The following FBXW4 variants were observed in gnomAD, a reference collection of about 807,000 sequenced individuals.
FBXW4 encodes the protein F-box/WD repeat-containing protein 4.
A neutral mutation model predicts 61.8 loss-of-function variants in FBXW4; 40 were observed. The observed-to-expected ratio is 0.65, with a 90% CI of 0.50 to 0.84. FBXW4 has a LOEUF of 0.84. FBXW4 is among the 40% of genes least tolerant of loss of function. The probability of loss-of-function intolerance (pLI) is 0.00; values close to 1 mark genes in which losing one functional copy is unlikely to be tolerated. For synonymous variants in FBXW4, 311 were observed against 313.8 expected (o/e 0.99, Z 0.10); for missense variants, 672 against 753.8 (o/e 0.89, Z 1.27).
Position 101,695,009 on chromosome 10 carries a change from T to G in FBXW4, c.97A>C (p.Arg33=). The part of the protein sequence containing the change: ...ARKLQEGRVA[R]GKRRKGKGKG... ...CCCTTCCCCTTCCTTCGCTTCCCCC[T>G]CGCCACCCTCCCTTCCTGCAGCTTC... Residue 33 remains arginine, a synonymous_variant, in exon 1 of 9, where the codon AGG becomes CGG. Coordinates refer to ENST00000331272, the MANE Select transcript of FBXW4 (RefSeq NM_022039.4). The surrounding 1 kb of genome is among the most constrained non-coding windows in gnomAD (Gnocchi z 4.2). 3 of 1,065,158 alleles carry G rather than the reference T, an allele frequency of 2.8e-6. No homozygotes were observed. The highest frequency in any genetic ancestry group is 2.3e-6 in the Non-Finnish European group (2 of 881,544). The allele number at this position is 1,065,158 out of a possible 1,614,324, so 66.0% of individuals were successfully genotyped here.
At chr10:101,661,372 C>T (rs1377885564) in intron 5 of FBXW4, among the ~76,000 whole-genome samples, 3 of 152,160 alleles carry the variant, frequency 2.0e-5, no homozygotes, top group South Asian at 2.1e-4. Context: ...GAATTGAAAC[C>T]CACCCCTGTG....
chr10:101,657,638 TC>T (rs2064200182), intron 5 of FBXW4, among the ~76,000 whole-genome samples: 1 of 13,828 alleles, frequency 7.2e-5, no homozygotes, highest in Admixed American at 9.7e-4. Flanking sequence ...AGACTCTGTC[TC>T]AAAAAAAAAA....
intron 6 of FBXW4, among the ~76,000 whole-genome samples, chr10:101,612,832 C>G (rs530645622): frequency 6.6e-6 from 1 of 152,276 alleles, no homozygotes; most frequent in African/African-American, 2.4e-5. Context: ...TGCACACACA[C>G]ACACACACTT....
At chr10:101,617,692 C>A (rs1383023726) in intron 6 of FBXW4, among the ~76,000 whole-genome samples, 2 of 152,132 alleles carry the variant, frequency 1.3e-5, no homozygotes, top group Non-Finnish European at 2.9e-5. Flanking sequence ...GAAGGGGCAG[C>A]CGCGTAGATA....
intron 1 of FBXW4, among the ~76,000 whole-genome samples, chr10:101,678,793 G>T (rs143071613): frequency 6.6e-6 from 1 of 152,302 alleles, no homozygotes; most frequent in Non-Finnish European, 1.5e-5. Flanking sequence ...CTAAAAGCCA[G>T]CAAGCAAGTC....
At chr10:101,617,418 G>C (rs969096578) in intron 6 of FBXW4, among the ~76,000 whole-genome samples, 3 of 152,158 alleles carry the variant, frequency 2.0e-5, no homozygotes, top group Admixed American at 1.3e-4. Context: ...CAGATGCCCA[G>C]AGGCTTGCCC....
In FBXW4 at chr10:101,639,877, T is replaced by A. The variant is rs2064036299; in HGVS notation, c.1236-15067A>T. Among the ~76,000 whole-genome samples, 4 of 152,256 alleles carry A rather than the reference T, an allele frequency of 2.6e-5. No homozygotes were observed. In the South Asian group the frequency reaches 6.2e-4, roughly 24 times the overall value. ...TTCAGTTCTGCCTTTGGCTTGGTTT[T>A]TCACCTTTTCCCTTGGATTTCATGA... On this transcript the variant is annotated intron_variant, in intron 5 of 8. Transcript: ENST00000331272.
intron 5 of FBXW4, among the ~76,000 whole-genome samples, chr10:101,656,089 G>A (rs911824749): frequency 3.3e-5 from 5 of 152,144 alleles, no homozygotes; most frequent in African/African-American, 1.2e-4. Context: ...AAGCGAAGAA[G>A]CCCCCACAGT....
chr10:101,628,110 G>A (rs950708417), intron 5 of FBXW4: 6 of 350,028 alleles, frequency 1.7e-5, no homozygotes, highest in Admixed American at 1.3e-4. Context: ...AAATGAAAAC[G>A]TGTATCATTC....
Position 101,611,248 on chromosome 10 carries a change from G to A in FBXW4, c.*43C>T, listed in dbSNP as rs748394831. 1.9e-6 allele frequency: 3 copies of A among 1,601,310 alleles called. No homozygotes were observed. The highest frequency in any genetic ancestry group is 2.6e-6 in the Non-Finnish European group (3 of 1,174,286). ...CCCTCCAGGCAAGAGAAGTCCCTGAGTAGCTGGTTTCCCTGGCCCAGAGGC... is the reference window on the plus strand; with the variant it reads ...CCCTCCAGGCAAGAGAAGTCCCTGAATAGCTGGTTTCCCTGGCCCAGAGGC... On this transcript the variant is annotated 3_prime_UTR_variant, in exon 9 of 9. Coordinates refer to ENST00000331272, the MANE Select transcript of FBXW4 (RefSeq NM_022039.4). The surrounding 1 kb of genome is among the most constrained non-coding windows in gnomAD (Gnocchi z 4.9).
intron 5 of FBXW4, among the ~76,000 whole-genome samples, chr10:101,641,577 A>T (rs1276519375): frequency 6.6e-6 from 1 of 152,146 alleles, no homozygotes; most frequent in Admixed American, 6.5e-5. Flanking sequence ...CACAAACACA[A>T]AACACAAGAG....
chr10:101,681,089 C>T (rs1445247794), intron 1 of FBXW4, among the ~76,000 whole-genome samples: 1 of 152,078 alleles, frequency 6.6e-6, no homozygotes, highest in African/African-American at 2.4e-5. Flanking sequence ...ATTATGTCTC[C>T]ATAAATAACA....
chr10:101,667,017 G>A (rs1467019818), intron 5 of FBXW4, among the ~76,000 whole-genome samples: 2 of 151,976 alleles, frequency 1.3e-5, no homozygotes, highest in East Asian at 3.9e-4. Flanking sequence ...GGATCACGAG[G>A]TCAGGTGATC....
intron 1 of FBXW4, among the ~76,000 whole-genome samples, chr10:101,691,102 T>C (rs1311943760): frequency 6.6e-6 from 1 of 152,100 alleles, no homozygotes; most frequent in African/African-American, 2.4e-5. Context: ...AAATCAAGTT[T>C]TGTGTAATGC....
Position 101,692,882 on chromosome 10 carries a change from C to T in FBXW4, c.725+1499G>A, listed in dbSNP as rs2064626152. The stretch of plus-strand genomic sequence containing the variant: ...AAAAATCACAAAAGACTGGCAGAGC[C>T]TAATAAAGTGTAAAACAGTAAAGTA... On this transcript the variant is annotated intron_variant, in intron 1 of 8. Coordinates refer to ENST00000331272, the MANE Select transcript of FBXW4 (RefSeq NM_022039.4). 2.0e-5 allele frequency among the ~76,000 whole-genome samples: 3 copies of T among 151,726 alleles called. No individual in the cohort carries two copies. The South Asian group carries it at 6.2e-4, about 32-fold the overall frequency.
chr10:101,677,027 G>A (rs949361652), intron 1 of FBXW4, among the ~76,000 whole-genome samples: 2 of 152,186 alleles, frequency 1.3e-5, no homozygotes, highest in East Asian at 1.9e-4. Context: ...AATTTGTACC[G>A]TGATGAGGAA....
chr10:101,651,290 G>A (rs888397897), intron 5 of FBXW4, among the ~76,000 whole-genome samples: 1 of 151,896 alleles, frequency 6.6e-6, no homozygotes, highest in Non-Finnish European at 1.5e-5. Flanking sequence ...CTACACTCTG[G>A]AGCGCCCAGA....
intron 4 of FBXW4, among the ~76,000 whole-genome samples, chr10:101,670,626 G>A (rs1239591605): frequency 6.6e-6 from 1 of 152,216 alleles, no homozygotes; most frequent in Non-Finnish European, 1.5e-5. Context: ...AGGATAAGAG[G>A]CTTTATCTCC....
intron 5 of FBXW4, among the ~76,000 whole-genome samples, chr10:101,661,016 G>A (rs1013709245): frequency 6.6e-6 from 1 of 152,220 alleles, no homozygotes; most frequent in African/African-American, 2.4e-5. Flanking sequence ...GAGGAAGGGA[G>A]AGAGAAAGAA....
Sources: gnomAD v4.1 joint callset for allele counts (sites outside exome capture counted in the v4.1 genomes callset) on GRCh38, gnomAD v4.1.1 for gene constraint, Gnocchi (gnomAD v3.1) non-coding constraint, MANE v1.5 for transcripts, NCBI Gene and HGNC (gene_info 2026-07-23, HGNC 2026-07-21) for gene names.